The following CDH12 variants were observed in gnomAD, a reference collection of about 807,000 sequenced individuals.
CDH12 encodes cadherin-12.
In CDH12, 41 loss-of-function variants were observed where a neutral mutation model predicts 74.1. That is an observed-to-expected ratio of 0.55 (90% confidence interval 0.43 to 0.72). CDH12 has a LOEUF of 0.72. Among genes scored for constraint, CDH12 ranks in the 30% least tolerant of loss-of-function variants. The pLI, the probability that CDH12 is intolerant of heterozygous loss-of-function variation, is 0.00. For synonymous variants in CDH12, 399 were observed against 355.0 expected, an observed-to-expected ratio of 1.12 and a Z score of -1.39; for missense variants, 945 against 977.2, an observed-to-expected ratio of 0.97 and a Z score of 0.44.
In CDH12 at chr5:22,193,025, G is replaced by A. The variant is rs539799670; in HGVS notation, c.-187+19473C>T. On this transcript the variant is annotated intron_variant, in intron 4 of 14. Transcript: ENST00000382254. ...GATTTGTGATACTGGAATGGAGTGT[G>A]GAAAAAAAAATCATAGTTTAGTAAG... Among the ~76,000 whole-genome samples, 4 of 151,770 alleles carry A rather than the reference G, an allele frequency of 2.6e-5. No homozygotes were observed. The East Asian group carries it at 5.8e-4, about 22-fold the overall frequency.
chr5:22,159,016 G>A (rs916338428), intron 4 of CDH12, among the ~76,000 whole-genome samples: 40 of 152,022 alleles, frequency 2.6e-4, no homozygotes, highest in African/African-American at 8.2e-4. Flanking sequence ...TGTTGGCATC[G>A]GTTCCCCTAT....
intron 1 of CDH12, among the ~76,000 whole-genome samples, chr5:22,767,030 A>G (rs1221395430): frequency 6.6e-6 from 1 of 152,020 alleles, no homozygotes; most frequent in Non-Finnish European, 1.5e-5. Flanking sequence ...ATGTATAAGA[A>G]ATTTCAGAAC....
chr5:22,046,935 C>T (rs148805610), intron 5 of CDH12, among the ~76,000 whole-genome samples: 1 of 152,194 alleles, frequency 6.6e-6, no homozygotes, highest in African/African-American at 2.4e-5. Context: ...TGTTCAGATG[C>T]TCAGGAAAAG....
intron 1 of CDH12, among the ~76,000 whole-genome samples, chr5:22,619,134 T>G (rs1282525600): frequency 6.6e-6 from 1 of 152,250 alleles, no homozygotes; most frequent in Non-Finnish European, 1.5e-5. Context: ...TTTCTAATAG[T>G]AGGCTCAGAA....
intron 3 of CDH12, among the ~76,000 whole-genome samples, chr5:22,250,169 C>A (rs892989585): frequency 1.4e-5 from 2 of 147,184 alleles, no homozygotes; most frequent in Non-Finnish European, 3.0e-5. Flanking sequence ...CCAGATTAGG[C>A]TAAATATTAA....
intron 1 of CDH12, among the ~76,000 whole-genome samples, chr5:22,776,368 C>T (rs1283823456): frequency 6.6e-6 from 1 of 152,120 alleles, no homozygotes; most frequent in Non-Finnish European, 1.5e-5. Flanking sequence ...TAGTGTCACA[C>T]GGGATTAAAT....
At chr5:22,680,785 T>TC (rs915599819) in intron 1 of CDH12, among the ~76,000 whole-genome samples, 2 of 149,002 alleles carry the variant, frequency 1.3e-5, no homozygotes, top group Non-Finnish European at 2.9e-5. Context: ...CTCTCTCTTC[T>TC]CCATTGATTT....
At chr5:22,401,748 C>A (rs1018673454) in intron 3 of CDH12, among the ~76,000 whole-genome samples, 21 of 152,084 alleles carry the variant, frequency 1.4e-4, no homozygotes, top group African/African-American at 5.1e-4. Flanking sequence ...AAAGCAAATA[C>A]CTTGAGCTGA....
chr5:22,072,717 TC>T (rs976753812), intron 5 of CDH12, among the ~76,000 whole-genome samples: 25 of 151,914 alleles, frequency 1.6e-4, no homozygotes, highest in African/African-American at 5.6e-4. Flanking sequence ...ATGCTATCCC[TC>T]CCCCCTCTCC....
chr5:22,529,551 T>C (rs1231634762), intron 1 of CDH12, among the ~76,000 whole-genome samples: 1 of 152,116 alleles, frequency 6.6e-6, no homozygotes, highest in Non-Finnish European at 1.5e-5. Context: ...CATCAGCTGA[T>C]TGGATGAGGC....
intron 3 of CDH12, among the ~76,000 whole-genome samples, chr5:22,254,649 C>A (rs908235009): frequency 6.6e-6 from 1 of 151,382 alleles, no homozygotes; most frequent in South Asian, 2.1e-4. Flanking sequence ...TGCACTTGTA[C>A]GTCTGAACTT....
intron 7 of CDH12, among the ~76,000 whole-genome samples, chr5:21,843,013 G>A (rs1579817518): frequency 6.6e-6 from 1 of 152,084 alleles, no homozygotes; most frequent in Non-Finnish European, 1.5e-5. Context: ...GAACTTTACA[G>A]TACATGTACA....
At chr5:22,513,926 G>A (rs1736707485) in intron 1 of CDH12, among the ~76,000 whole-genome samples, 1 of 145,312 alleles carries the variant, frequency 6.9e-6, no homozygotes, top group African/African-American at 2.6e-5. Context: ...CCAGCCCGGG[G>A]CCACATTGTG....
chr5:22,372,187 C>T (rs1297578510), intron 3 of CDH12, among the ~76,000 whole-genome samples: 2 of 152,038 alleles, frequency 1.3e-5, no homozygotes, highest in African/African-American at 4.8e-5. Context: ...CCAGAAGCAG[C>T]CAGTGTATGC....
intron 3 of CDH12, among the ~76,000 whole-genome samples, chr5:22,310,609 T>C (rs1056107314): frequency 6.6e-6 from 1 of 152,220 alleles, no homozygotes; most frequent in Non-Finnish European, 1.5e-5. Context: ...TTGTATTGCA[T>C]GTAAGACCAT....
At chr5:21,953,036 C>T (rs1249067326) in intron 6 of CDH12, among the ~76,000 whole-genome samples, 2 of 151,742 alleles carry the variant, frequency 1.3e-5, no homozygotes, top group Non-Finnish European at 2.9e-5. Context: ...TTAATGCAGC[C>T]ATGCTTCCCC....
intron 1 of CDH12, among the ~76,000 whole-genome samples, chr5:22,515,680 T>C (rs1736780511): frequency 6.6e-6 from 1 of 152,090 alleles, no homozygotes; most frequent in South Asian, 2.1e-4. Flanking sequence ...ATTTGATATG[T>C]AGTAATGAGA....
chr5:22,076,479 T>G (rs977698109), intron 5 of CDH12, among the ~76,000 whole-genome samples: 1 of 152,120 alleles, frequency 6.6e-6, no homozygotes, highest in Non-Finnish European at 1.5e-5. Context: ...AACAGAGAAT[T>G]TGTCAGGAAC....
chr5:22,618,050 T>C (rs1355357503), intron 1 of CDH12, among the ~76,000 whole-genome samples: 1 of 152,166 alleles, frequency 6.6e-6, no homozygotes, highest in Non-Finnish European at 1.5e-5. Context: ...CAGTTTGCTA[T>C]AAAGAATCTG....
Sources: gnomAD v4.1 joint callset for allele counts (sites outside exome capture counted in the v4.1 genomes callset) on GRCh38, gnomAD v4.1.1 for gene constraint, MANE v1.5 for transcripts, NCBI Gene and HGNC (gene_info 2026-07-23, HGNC 2026-07-21) for gene names.